The following PEAK1 variants were observed in gnomAD, a reference collection of about 807,000 sequenced individuals.
The protein encoded by PEAK1 is inactive tyrosine-protein kinase PEAK1.
In PEAK1, 54 loss-of-function variants were observed where a neutral mutation model predicts 124.7. That is an observed-to-expected ratio of 0.43 (90% CI 0.35 to 0.54). PEAK1 has a LOEUF of 0.54. Among genes scored for constraint, PEAK1 ranks in the 20% least tolerant of loss-of-function variants. The probability of loss-of-function intolerance (pLI) is 0.01; values close to 1 mark genes in which losing one functional copy is unlikely to be tolerated. For missense variants in PEAK1, 2,046 were observed against 2,134.5 expected (o/e 0.96, Z 0.82); for synonymous variants, 719 against 760.0 (o/e 0.95, Z 0.89).
chr15:77,329,040 T>C (rs1292813122), intron 2 of PEAK1, among the ~76,000 whole-genome samples: 1 of 152,218 alleles, frequency 6.6e-6, no homozygotes, highest in African/African-American at 2.4e-5. Flanking sequence ...TCTAAGATGA[T>C]ATATACTTTC....
rs879810827 is a variant in PEAK1, at chr15:77,325,429, A to G, written c.-602-38925T>C. On this transcript the variant is annotated intron_variant, in intron 2 of 9. Coordinates refer to ENST00000682557, the MANE Select transcript of PEAK1 (RefSeq NM_001385026.1). ...TCTCAATAAATAAATAAATAAATAA[A>G]TAAATAAATAAATAAATAAATAAAA... 3.2e-3 allele frequency among the ~76,000 whole-genome samples: 481 copies of G among 150,868 alleles called. 3 individuals carry two copies. The highest frequency in any genetic ancestry group is 5.4e-3 in the Non-Finnish European group (366 of 67,724).
In PEAK1 at chr15:77,112,262, CAATAA is replaced by C. The variant is rs2051019412; in HGVS notation, c.*1889_*1893del. On this transcript the variant is annotated 3_prime_UTR_variant, in exon 10 of 10. Transcript: ENST00000682557. ...ATCACTTAAAAAAGTAATAAGAGCA[CAATAA>C]AATACATTATTTTCCTTTCCTGATC... 1 of 152,192 alleles carries C rather than the reference CAATAA, an allele frequency of 6.6e-6. No homozygotes were observed. The highest frequency in any genetic ancestry group is 1.5e-5 in the Non-Finnish European group (1 of 68,040). 9.4% of individuals were successfully genotyped at this position (152,192 alleles called of 1,614,324 possible). A position where few individuals can be genotyped will look rare whatever the true frequency, so the allele number is the denominator to read the frequency against.
intron 6 of PEAK1, among the ~76,000 whole-genome samples, 159 bp downstream of exon 6, chr15:77,252,208 A>G (rs186557330): frequency 1.3e-5 from 2 of 152,248 alleles, no homozygotes; most frequent in African/African-American, 4.8e-5. Flanking sequence ...TTGAGCAAAC[A>G]TTAAGGACCA....
chr15:77,212,068 T>C (rs538291123), intron 6 of PEAK1, among the ~76,000 whole-genome samples: 13 of 152,276 alleles, frequency 8.5e-5, no homozygotes, highest in Middle Eastern at 6.8e-3. Context: ...CTAATAACTA[T>C]TGGATATGAA....
intron 1 of PEAK1, among the ~76,000 whole-genome samples, chr15:77,407,277 AAATAAACT>A (rs2071909089): frequency 6.6e-6 from 1 of 152,202 alleles, no homozygotes; most frequent in African/African-American, 2.4e-5. Context: ...GGCGGAACTT[AAATAAACT>A]AAAAAGCTTC....
chr15:77,149,426 T>A (rs1387854037), intron 8 of PEAK1, among the ~76,000 whole-genome samples: 2 of 152,098 alleles, frequency 1.3e-5, no homozygotes, highest in East Asian at 1.9e-4. Context: ...CGTTAGGAGG[T>A]TTTGCTGTCT....
chr15:77,138,940 T>A (rs79801250), intron 8 of PEAK1, among the ~76,000 whole-genome samples: 22 of 152,264 alleles, frequency 1.4e-4, no homozygotes, highest in Non-Finnish European at 2.4e-4. Context: ...CTTTTTTTTT[T>A]ATAAACTTTT....
intron 7 of PEAK1, among the ~76,000 whole-genome samples, chr15:77,161,334 C>T (rs758464848): frequency 6.6e-6 from 1 of 152,166 alleles, no homozygotes; most frequent in African/African-American, 2.4e-5. Context: ...GGAAATGTGC[C>T]AAATTACCTT....
At chr15:77,375,652 T>C (rs1055662775) in intron 1 of PEAK1, among the ~76,000 whole-genome samples, 3 of 152,146 alleles carry the variant, frequency 2.0e-5, no homozygotes, top group African/African-American at 4.8e-5. Flanking sequence ...ATTAAGCACT[T>C]AGATCCACAA....
intron 1 of PEAK1, chr15:77,381,453 G>A (rs1449489602): frequency 2.0e-5 from 19 of 962,250 alleles, no homozygotes; most frequent in Non-Finnish European, 2.3e-5. Context: ...TTCTTTAAAA[G>A]AATAAGGCAA....
In PEAK1 at chr15:77,336,285, T is replaced by C. The variant is rs561504492; in HGVS notation, c.-603+28878A>G. On this transcript the variant is annotated intron_variant, in intron 2 of 9. Transcript: ENST00000682557. ...TCATTTACATCTTGCAGAACTAAAC[T>C]GTCCACATGGCTGGTAGGCAGAGTT... is the stretch of plus-strand genomic sequence containing the variant. 4.1e-6 allele frequency: 4 copies of C among 985,396 alleles called. No homozygotes were observed. In the African/African-American group the frequency reaches 5.2e-5, roughly 13 times the overall value. 61.0% of individuals were successfully genotyped at this position (985,396 alleles called of 1,614,324 possible).
At chr15:77,205,872 T>C (rs1038479635) in intron 6 of PEAK1, among the ~76,000 whole-genome samples, 5 of 150,902 alleles carry the variant, frequency 3.3e-5, no homozygotes, top group African/African-American at 9.7e-5. Context: ...CATGTGCACA[T>C]TGTGCAGGTT....
At chr15:77,372,884 T>TC (rs1555496270) in intron 1 of PEAK1, among the ~76,000 whole-genome samples, 29 of 149,492 alleles carry the variant, frequency 1.9e-4, no homozygotes, top group Middle Eastern at 3.5e-3. Flanking sequence ...CTCTCTCTCT[T>TC]TATGCCTGCT....
At chr15:77,379,195 T>C (rs1597510419) in intron 1 of PEAK1, among the ~76,000 whole-genome samples, 1 of 152,176 alleles carries the variant, frequency 6.6e-6, no homozygotes, top group Non-Finnish European at 1.5e-5. Flanking sequence ...TAAAAGTAGT[T>C]GAATACCATA....
At chr15:77,140,637 T>A (rs914725283) in intron 8 of PEAK1, among the ~76,000 whole-genome samples, 1 of 151,998 alleles carries the variant, frequency 6.6e-6, no homozygotes, top group Non-Finnish European at 1.5e-5. Context: ...AGAGCTAACA[T>A]CATACTTAAT....
At chr15:77,156,792 A>G (rs767506422) in intron 8 of PEAK1, 2 of 152,264 alleles carry the variant, frequency 1.3e-5, no homozygotes, top group Non-Finnish European at 2.9e-5. Flanking sequence ...AGATATTATA[A>G]TTTCTGATAT....
chr15:77,182,635 C>T (rs1026649773), intron 6 of PEAK1, among the ~76,000 whole-genome samples: 1 of 150,720 alleles, frequency 6.6e-6, no homozygotes, highest in African/African-American at 2.4e-5. Context: ...ACCTATAGTT[C>T]CAGATACTCA....
intron 6 of PEAK1, among the ~76,000 whole-genome samples, chr15:77,242,541 C>T (rs891366744): frequency 2.0e-5 from 3 of 152,058 alleles, no homozygotes; most frequent in Non-Finnish European, 2.9e-5. Context: ...TAAACTGATG[C>T]GCTATGAAAT....
chr15:77,396,249 G>T (rs2070877392), intron 1 of PEAK1, among the ~76,000 whole-genome samples: 4 of 151,466 alleles, frequency 2.6e-5, no homozygotes, highest in African/African-American at 9.7e-5. Context: ...CCTCAAACTA[G>T]AAAACATACA....
Sources: gnomAD v4.1 joint callset for allele counts (sites outside exome capture counted in the v4.1 genomes callset) on GRCh38, gnomAD v4.1.1 for gene constraint, MANE v1.5 for transcripts, NCBI Gene and HGNC (gene_info 2026-07-23, HGNC 2026-07-21) for gene names.